WDPCP: variants seen among roughly 807,000 people sequenced by gnomAD.
WDPCP encodes the protein WD repeat-containing and planar cell polarity effector protein fritz homolog.
In WDPCP, 71 loss-of-function variants were observed where a neutral mutation model predicts 93.1. The observed-to-expected ratio is 0.76, with a 90% CI of 0.63 to 0.93. The LOEUF (loss-of-function observed/expected upper bound fraction) is 0.93, where lower values mean the gene tolerates loss of function less well. WDPCP is among the 40% of genes least tolerant of loss of function. The probability of loss-of-function intolerance (pLI) is 0.00; values close to 1 mark genes in which losing one functional copy is unlikely to be tolerated. For synonymous variants in WDPCP, 315 were observed against 315.0 expected (o/e 1.00, Z 0.00); for missense variants, 844 against 887.4 (o/e 0.95, Z 0.62).
chr2:63,305,502 A>G (rs535359207), intron 13 of WDPCP, among the ~76,000 whole-genome samples: 1 of 152,346 alleles, frequency 6.6e-6, no homozygotes, highest in South Asian at 2.1e-4. Context: ...AGAAAGAAAT[A>G]GCATCAACAT....
intron 9 of WDPCP, among the ~76,000 whole-genome samples, chr2:63,414,170 A>C (rs2105292266): frequency 6.6e-6 from 1 of 152,264 alleles, no homozygotes; most frequent in South Asian, 2.1e-4. Flanking sequence ...CAAAACATAA[A>C]AAAACAGTAG....
intron 9 of WDPCP, among the ~76,000 whole-genome samples, chr2:63,432,572 A>G (rs1184685216): frequency 6.6e-6 from 1 of 152,190 alleles, no homozygotes; most frequent in African/African-American, 2.4e-5. Flanking sequence ...GTAGGAAATA[A>G]TGAGTCAGCA....
chr2:63,262,539 C>CA (rs5831658), intron 13 of WDPCP, among the ~76,000 whole-genome samples: 506 of 130,042 alleles, frequency 3.9e-3, no homozygotes, highest in South Asian at 0.015. Context: ...CCATATAAGC[C>CA]AAAAAAAAAA....
chr2:63,323,389 G>A (rs1331609716), intron 12 of WDPCP, among the ~76,000 whole-genome samples: 2 of 152,110 alleles, frequency 1.3e-5, no homozygotes, highest in South Asian at 4.1e-4. Context: ...TCAGAAAGAC[G>A]TAATTTTTGC....
At chr2:63,440,075 AAATGCATTGATT>A in intron 6 of WDPCP, 1 of 545,592 alleles carries the variant, frequency 1.8e-6, no homozygotes, top group Non-Finnish European at 3.3e-6. Context: ...GCAACACAAT[AAATGCATTGATT>A]AAAGCTACAT....
At chr2:63,132,716 G>A (rs1486001474) in intron 17 of WDPCP, among the ~76,000 whole-genome samples, 1 of 151,638 alleles carries the variant, frequency 6.6e-6, no homozygotes, top group East Asian at 1.9e-4. Flanking sequence ...GTCTATCTCT[G>A]TTGAAATTCC....
intron 15 of WDPCP, chr2:63,168,700 A>G (rs1178576725): frequency 6.6e-6 from 1 of 152,182 alleles, no homozygotes; most frequent in Non-Finnish European, 1.5e-5. Flanking sequence ...TGGCATCAAT[A>G]TGGTGACCTC....
chr2:63,336,894 A>AAT (rs1688413963), intron 12 of WDPCP, among the ~76,000 whole-genome samples: 1 of 56,944 alleles, frequency 1.8e-5, no homozygotes, highest in Admixed American at 2.2e-4. Context: ...CATGAGAGTC[A>AAT]CTTTTTTTTT....
intron 6 of WDPCP, among the ~76,000 whole-genome samples, chr2:63,448,651 G>A (rs1698024176): frequency 6.6e-6 from 1 of 152,102 alleles, no homozygotes; most frequent in South Asian, 2.1e-4. Context: ...AGTAAATGTG[G>A]TATATATCCT....
At chr2:63,725,107 G>A (rs904935282) in intron 2 of WDPCP, among the ~76,000 whole-genome samples, 1 of 147,128 alleles carries the variant, frequency 6.8e-6, no homozygotes, top group African/African-American at 2.5e-5. Flanking sequence ...TGGGGAAATT[G>A]TTTGTCACAA....
intron 6 of WDPCP, among the ~76,000 whole-genome samples, chr2:63,446,593 G>A (rs1697883347): frequency 6.6e-6 from 1 of 152,170 alleles, no homozygotes; most frequent in African/African-American, 2.4e-5. Context: ...AATGTGATAA[G>A]CTATCCTCTC....
chr2:63,233,424 C>G (rs535990359), intron 14 of WDPCP: 71 of 212,030 alleles, frequency 3.3e-4, no homozygotes, highest in African/African-American at 1.2e-3. Flanking sequence ...AAATTAAGTC[C>G]TCTACAAAGT....
intron 3 of WDPCP, among the ~76,000 whole-genome samples, chr2:63,649,805 A>G (rs763344282): frequency 2.6e-5 from 4 of 152,216 alleles, no homozygotes; most frequent in Non-Finnish European, 5.9e-5. Flanking sequence ...GGAGTAGAGC[A>G]GAAATGATCA....
chr2:63,489,655 G>C (rs1242890409), intron 2 of WDPCP, among the ~76,000 whole-genome samples: 1 of 152,084 alleles, frequency 6.6e-6, no homozygotes. Flanking sequence ...ACAGAAGCCA[G>C]CTTGAAGAGG....
rs1697201539 is a variant in WDPCP, at chr2:63,437,343, GAGC to G, written c.633+75_633+77del. On this transcript the variant is annotated intron_variant, in intron 8 of 17. Transcript: ENST00000272321. ...AAATCCAGAAATGTTGAAGAATAATGAGCAGAATACCAACTTATGTGATACTCT... is the reference window on the plus strand; with the variant it reads ...AAATCCAGAAATGTTGAAGAATAATGAGAATACCAACTTATGTGATACTCT... 1.6e-5 allele frequency: 18 copies of G among 1,148,854 alleles called. 1 individual carries two copies. The South Asian group carries it at 2.9e-4, about 18-fold the overall frequency. 71.2% of individuals were successfully genotyped at this position (1,148,854 alleles called of 1,614,324 possible).
At chr2:63,227,413 A>G (rs1678378964) in intron 14 of WDPCP, among the ~76,000 whole-genome samples, 1 of 152,022 alleles carries the variant, frequency 6.6e-6, no homozygotes, top group South Asian at 2.1e-4. Flanking sequence ...GTGCTATGTA[A>G]GTGGTGTAAG....
intron 1 of WDPCP, among the ~76,000 whole-genome samples, chr2:63,547,448 G>A (rs1575619966): frequency 6.6e-6 from 1 of 152,162 alleles, no homozygotes; most frequent in Admixed American, 6.5e-5. Flanking sequence ...ATATCAAAGA[G>A]ATATTTGCAC....
At chr2:63,285,756 T>C (rs998675886) in intron 13 of WDPCP, among the ~76,000 whole-genome samples, 17 of 152,152 alleles carry the variant, frequency 1.1e-4, no homozygotes, top group African/African-American at 4.1e-4. Context: ...TCCACAATTA[T>C]AGTAAATAGT....
chr2:63,806,573 T>C lies in WDPCP; in HGVS notation n.308+7049A>G, dbSNP rs145010305. Among the ~76,000 whole-genome samples the C allele has an allele frequency of 4.5e-4, 69 of 152,250 alleles. No homozygotes were observed. The East Asian group carries it at 0.013, about 28-fold the overall frequency. ...GGTCTGACCAAAATTTATTAGGCGG[T>C]AATTTCCTCTTCCTAATAAGCCTGG... On this transcript the variant is annotated intron_variant and non_coding_transcript_variant, in intron 2 of 4. Coordinates refer to the WDPCP transcript ENST00000467687.
Sources: allele counts gnomAD v4.1 joint callset (sites outside exome capture counted in the v4.1 genomes callset), GRCh38; gene constraint gnomAD v4.1.1; transcripts MANE v1.5; gene names NCBI Gene and HGNC (gene_info 2026-07-23, HGNC 2026-07-21).